NXPE2: variants seen among roughly 807,000 people sequenced by gnomAD.
The protein encoded by NXPE2 is NXPE family member 2.
Under a neutral mutation model 34.4 loss-of-function variants are expected in NXPE2, and 34 were observed. The ratio of observed to expected loss-of-function variants is 0.99; its 90% confidence interval spans 0.75 to 1.31. The LOEUF is 1.31. Among genes scored for constraint, NXPE2 ranks in the 40% most tolerant of loss-of-function variants. The pLI is 0.00. For synonymous variants in NXPE2, 235 were observed against 231.3 expected (o/e 1.02, Z -0.15); for missense variants, 649 against 672.5 (o/e 0.97, Z 0.39).
the NXPE2 span, among the ~76,000 whole-genome samples, chr11:114,800,844 T>C: frequency 2.6e-5 from 4 of 152,260 alleles, no homozygotes; most frequent in Non-Finnish European, 4.4e-5. Context: ...AAAAATCTTG[T>C]GTCTAGAATG....
At chr11:114,692,668 G>A (rs542417194) in intron 2 of NXPE2, among the ~76,000 whole-genome samples, 1 of 152,308 alleles carries the variant, frequency 6.6e-6, no homozygotes, top group Admixed American at 6.5e-5. Flanking sequence ...CGCTCAGTCA[G>A]TTCCTAGCTG....
chr11:114,579,906 T>C, the NXPE2 span, among the ~76,000 whole-genome samples: 1 of 152,216 alleles, frequency 6.6e-6, no homozygotes, highest in African/African-American at 2.4e-5. Context: ...GTGTGAATTC[T>C]GCAGAGATAG....
the NXPE2 span, among the ~76,000 whole-genome samples, chr11:114,641,801 A>G: frequency 2.0e-5 from 3 of 152,210 alleles, no homozygotes; most frequent in East Asian, 1.9e-4. Context: ...TTAATTTTCA[A>G]AATGAAAAAG....
the NXPE2 span, among the ~76,000 whole-genome samples, chr11:114,558,746 A>G: frequency 6.6e-6 from 1 of 152,144 alleles, no homozygotes. Flanking sequence ...ACAAATTAAC[A>G]TGATCGTTTT....
chr11:114,544,381 A>G, the NXPE2 span, among the ~76,000 whole-genome samples: 1 of 152,236 alleles, frequency 6.6e-6, no homozygotes, highest in African/African-American at 2.4e-5. Flanking sequence ...AAGAATGAAC[A>G]GATTAATCAA....
chr11:114,632,494 A>G, the NXPE2 span, among the ~76,000 whole-genome samples: 1 of 125,318 alleles, frequency 8.0e-6, no homozygotes, highest in Non-Finnish European at 1.6e-5. Context: ...TCCATAATAT[A>G]TATTATAGTA....
the NXPE2 span, among the ~76,000 whole-genome samples, chr11:114,785,752 C>T: frequency 2.0e-5 from 3 of 152,306 alleles, no homozygotes; most frequent in East Asian, 1.9e-4. Context: ...TTGTCATTCA[C>T]ATTTGTATCA....
At chr11:114,505,230 G>C in the NXPE2 span, among the ~76,000 whole-genome samples, 1 of 152,108 alleles carries the variant, frequency 6.6e-6, no homozygotes. Context: ...ATTATGTAAA[G>C]AGACTGAATC....
the NXPE2 span, among the ~76,000 whole-genome samples, chr11:114,755,927 A>C: frequency 3.3e-5 from 5 of 152,294 alleles, no homozygotes; most frequent in East Asian, 9.6e-4. Flanking sequence ...TCTCTAGAGT[A>C]CTTCTCCATT....
At chr11:114,703,726 C>CAGAT (rs71465300) in intron 3 of NXPE2, among the ~76,000 whole-genome samples, 15 of 151,172 alleles carry the variant, frequency 9.9e-5, no homozygotes, top group African/African-American at 3.2e-4. Context: ...GACAGACAGA[C>CAGAT]AGATAGATAG....
the NXPE2 span, among the ~76,000 whole-genome samples, chr11:114,661,251 A>C: frequency 6.6e-6 from 1 of 152,148 alleles, no homozygotes; most frequent in Non-Finnish European, 1.5e-5. Context: ...CAACAACTTG[A>C]TTTTAAAATT....
the NXPE2 span, among the ~76,000 whole-genome samples, chr11:114,607,681 T>C: frequency 6.7e-6 from 1 of 150,078 alleles, no homozygotes; most frequent in Admixed American, 6.6e-5. Flanking sequence ...AGTGTTGAGT[T>C]GCGGGTAACC....
At chr11:114,799,265 A>T in the NXPE2 span, among the ~76,000 whole-genome samples, 1 of 149,482 alleles carries the variant, frequency 6.7e-6, no homozygotes, top group Admixed American at 6.7e-5. Flanking sequence ...CTGTCCTACA[A>T]ATGGAGAAGA....
At chr11:114,489,792 T>G in the NXPE2 span, among the ~76,000 whole-genome samples, 6 of 152,290 alleles carry the variant, frequency 3.9e-5, no homozygotes, top group South Asian at 2.1e-4. Context: ...CTTTGAAAAC[T>G]GGCACAAGAC....
chr11:114,638,960 C>T, the NXPE2 span, among the ~76,000 whole-genome samples: 1 of 152,034 alleles, frequency 6.6e-6, no homozygotes, highest in Non-Finnish European at 1.5e-5. Flanking sequence ...TTCAGATCTC[C>T]AGCTGTGAGC....
chr11:114,561,776 T>C, the NXPE2 span, among the ~76,000 whole-genome samples: 23 of 152,316 alleles, frequency 1.5e-4, no homozygotes, highest in South Asian at 3.5e-3. Flanking sequence ...ATCTTCATCA[T>C]GTTTGGCGCT....
chr11:114,598,652 G>A, the NXPE2 span, among the ~76,000 whole-genome samples: 319 of 151,434 alleles, frequency 2.1e-3, 2 homozygotes, highest in African/African-American at 7.4e-3. Context: ...AATGGCTTGA[G>A]CTGTACCTGG....
chr11:114,523,156 G>C, the NXPE2 span: 7 of 1,187,168 alleles, frequency 5.9e-6, no homozygotes, highest in Non-Finnish European at 8.6e-6. Flanking sequence ...CTTCTTTCCT[G>C]GTCTTTCATT....
At chr11:114,556,745 A>C in the NXPE2 span, among the ~76,000 whole-genome samples, 1 of 152,024 alleles carries the variant, frequency 6.6e-6, no homozygotes, top group Non-Finnish European at 1.5e-5. Flanking sequence ...TATTAGTCTC[A>C]TCTAAGCCAC....
Sources: gnomAD v4.1 joint callset for allele counts (sites outside exome capture counted in the v4.1 genomes callset) on GRCh38, gnomAD v4.1.1 for gene constraint, MANE v1.5 for transcripts, NCBI Gene and HGNC (gene_info 2026-07-23, HGNC 2026-07-21) for gene names.